The following MIB1 variants were observed in gnomAD, a reference collection of about 807,000 sequenced individuals.
MIB1 encodes the protein MIB E3 ubiquitin protein ligase 1, also known as E3 ubiquitin-protein ligase MIB1.
In MIB1, 278 loss-of-function variants were observed where a neutral mutation model predicts 124.5. That is an observed-to-expected ratio of 2.23 (90% confidence interval 2.02 to 2.47). The LOEUF is 2.47. MIB1 is among the 30% of genes most tolerant of loss of function. The pLI is 0.00. For missense variants in MIB1, 957 were observed against 1,254.4 expected (o/e 0.76, Z 3.58); for synonymous variants, 446 against 429.4 (o/e 1.04, Z -0.48).
At position 21,864,651 on chromosome 18, in the gene MIB1, G is replaced by A; in HGVS notation, c.3006G>A (p.Arg1002=). The A allele has an allele frequency of 1.2e-6, 2 of 1,613,360 alleles. No homozygotes were observed. The highest frequency in any genetic ancestry group is 1.3e-5 in the African/African-American group (1 of 75,020). The change falls in exon 21 of 21, where the codon AGG becomes AGA. Residue 1002 remains arginine, a synonymous_variant. Transcript: ENST00000261537. ...TCTGTCGCAAGGCTATTGAACGAAG[G>A]ATTCTTTTGTATTAACTAAGACACA... ...CPICRKAIER[R]ILLY
chr18:21,785,084 CCTCT>C (rs915219133), intron 6 of MIB1, among the ~76,000 whole-genome samples: 3 of 152,194 alleles, frequency 2.0e-5, no homozygotes, highest in Admixed American at 6.5e-5. Flanking sequence ...TGTAAGCTGT[CCTCT>C]CTCTCTTTCT....
chr18:21,858,872 A>G (rs1305117636), intron 20 of MIB1, among the ~76,000 whole-genome samples: 1 of 152,224 alleles, frequency 6.6e-6, no homozygotes, highest in African/African-American at 2.4e-5. Context: ...CAACCACATT[A>G]GTGATCAGGA....
chr18:21,773,812 G>C, intron 4 of MIB1, 84 bp downstream of exon 4: 1 of 780,158 alleles, frequency 1.3e-6, no homozygotes, highest in South Asian at 1.8e-5. Context: ...TTTTTCCTTT[G>C]TCATCTCCCT....
At position 21,849,206 on chromosome 18, in the gene MIB1, G is replaced by T. The variant is rs2042160959; in HGVS notation, c.2404G>T (p.Gly802Cys). The T allele has an allele frequency of 6.5e-7, 1 of 1,549,788 alleles. No individual in the cohort carries two copies. The highest frequency in any genetic ancestry group is 2.0e-5 in the Admixed American group (1 of 50,568). ...CHKEKVSGQV[G>C]SRSPSMISND... ...ACTTTCTTTTATTAGTGGTCAAGTG[G>T]GTTCTCGGAGTCCTTCTATGATTAG... Residue 802 changes from glycine to cysteine, a missense_variant, in exon 17 of 21, where the codon GGT becomes TGT. Coordinates refer to ENST00000261537, the MANE Select transcript of MIB1 (RefSeq NM_020774.4).
At chr18:21,787,766 T>C (rs2041453450) in intron 6 of MIB1, among the ~76,000 whole-genome samples, 1 of 152,016 alleles carries the variant, frequency 6.6e-6, no homozygotes, top group Non-Finnish European at 1.5e-5. Context: ...TATTTTTTTT[T>C]TTTTTTTCGA....
At chr18:21,818,151 C>T (rs1254609489) in intron 11 of MIB1, among the ~76,000 whole-genome samples, 2 of 152,198 alleles carry the variant, frequency 1.3e-5, no homozygotes, top group South Asian at 2.1e-4. Context: ...TAATGTTTCT[C>T]ACCTGTGACT....
At position 21,870,428 on chromosome 18, in the gene MIB1, T is replaced by C. The variant is rs908744483; in HGVS notation, c.*5762T>C. 2.6e-5 allele frequency: 4 copies of C among 152,192 alleles called. No individual in the cohort carries two copies. Among genetic ancestry groups the C allele is most frequent in the Admixed American group, 2.6e-4 (4 of 15,264 alleles). The allele number at this position is 152,192 out of a possible 1,614,324, so 9.4% of individuals were successfully genotyped here. A position where few individuals can be genotyped will look rare whatever the true frequency, so the allele number is the denominator to read the frequency against. On this transcript the variant is annotated 3_prime_UTR_variant, in exon 21 of 21. Coordinates refer to ENST00000261537, the MANE Select transcript of MIB1 (RefSeq NM_020774.4). ...AGGGCCAAAGAAGCATTTCATATTT[T>C]AACACCTCACATTCTTTCAGGATTA...
Position 21,744,097 on chromosome 18 carries a change from G to GTT in MIB1, c.229+2306_229+2307dup, listed in dbSNP as rs768951212. On this transcript the variant is annotated intron_variant, in intron 1 of 20. Transcript: ENST00000261537. The stretch of plus-strand genomic sequence containing the variant: ...ATTTCAACCTTTTAAATTCTTCAGG[G>GTT]TTTTTTTTTTTTTTTTTTTTTTAGA... Among the ~76,000 whole-genome samples, 384 of 121,186 alleles carry GTT rather than the reference G, an allele frequency of 3.2e-3. 1 individual carries two copies. Among genetic ancestry groups the GTT allele is most frequent in the African/African-American group, 0.011 (348 of 31,992 alleles). 79.5% of individuals were successfully genotyped at this position (121,186 alleles called of 152,430 possible). A position where few individuals can be genotyped will look rare whatever the true frequency, so the allele number is the denominator to read the frequency against.
intron 3 of MIB1, 97 bp from the exon 4 acceptor site, chr18:21,773,527 G>A (rs2041245533): frequency 1.3e-6 from 1 of 758,606 alleles, no homozygotes; most frequent in Non-Finnish European, 2.1e-6. Context: ...CAGGTTGCTA[G>A]ATGAAATGAT....
At chr18:21,716,466 A>G (rs2040690092) in intron 1 of MIB1, among the ~76,000 whole-genome samples, 1 of 152,218 alleles carries the variant, frequency 6.6e-6, no homozygotes. Flanking sequence ...TAAAAAACAC[A>G]AAAAGCAAAC....
chr18:21,781,617 G>A (rs960201922), intron 6 of MIB1, among the ~76,000 whole-genome samples: 1 of 150,592 alleles, frequency 6.6e-6, no homozygotes, highest in African/African-American at 2.4e-5. Flanking sequence ...GTTTCACCAT[G>A]TTGGCCAGGC....
intron 4 of MIB1, among the ~76,000 whole-genome samples, chr18:21,774,453 T>A (rs1428228511): frequency 6.6e-6 from 1 of 152,204 alleles, no homozygotes; most frequent in African/African-American, 2.4e-5. Flanking sequence ...CCGGGTTTGA[T>A]GGCATGTGCC....
intron 6 of MIB1, among the ~76,000 whole-genome samples, chr18:21,783,540 G>A (rs1051683459): frequency 2.6e-5 from 4 of 151,732 alleles, no homozygotes; most frequent in African/African-American, 9.7e-5. Context: ...GCTGTGCCCG[G>A]CCTCACTCTA....
intron 18 of MIB1, among the ~76,000 whole-genome samples, chr18:21,854,011 TTAAAAAAAAAAAA>T (rs1199369413): frequency 4.7e-5 from 2 of 42,350 alleles, no homozygotes; most frequent in African/African-American, 8.4e-5. Context: ...AGACTCAGTC[TTAAAAAAAAAAAA>T]AAAAAAAAAA....
intron 17 of MIB1, among the ~76,000 whole-genome samples, chr18:21,851,624 G>A (rs1052204797): frequency 2.6e-5 from 4 of 152,138 alleles, no homozygotes; most frequent in Non-Finnish European, 4.4e-5. Flanking sequence ...TTCTGTTAGA[G>A]AAATACAAAG....
chr18:21,789,787 A>G lies in MIB1; in HGVS notation c.909-1587A>G, dbSNP rs78185353. ...GTATCAAAAAAAGAAAAAATAAAGC[A>G]AACAAAGAACAGTTTACTTGTGTGG... On this transcript the variant is annotated intron_variant, in intron 6 of 20. Coordinates refer to ENST00000261537, the MANE Select transcript of MIB1 (RefSeq NM_020774.4). Among the ~76,000 whole-genome samples the G allele has an allele frequency of 7.7e-3, 1,177 of 152,290 alleles. 19 individuals are homozygous for G. The highest frequency in any genetic ancestry group is 0.027 in the African/African-American group (1,139 of 41,562).
intron 12 of MIB1, among the ~76,000 whole-genome samples, chr18:21,835,301 A>G (rs2042016442): frequency 6.6e-6 from 1 of 152,138 alleles, no homozygotes; most frequent in African/African-American, 2.4e-5. Flanking sequence ...GGTATAGAGA[A>G]TAGAGTGGAA....
intron 12 of MIB1, among the ~76,000 whole-genome samples, chr18:21,823,314 T>G (rs1198721971): frequency 6.6e-6 from 1 of 151,192 alleles, no homozygotes. Context: ...GGCGAGAATA[T>G]TGCTCGAGCC....
rs1555697486 is a variant in MIB1, at chr18:21,865,905, T to TAAAAACAAA, written c.*1240_*1248dup. ...GAAATGTCTGCTTACCTGTAGACTTTAAAAACAAACAAAATTTTTGGAGCA... is the reference window on the plus strand; with the variant it reads ...GAAATGTCTGCTTACCTGTAGACTTTAAAAACAAAAAAAACAAACAAAATTTTTGGAGCA... On this transcript the variant is annotated 3_prime_UTR_variant, in exon 21 of 21. Coordinates refer to ENST00000261537, the MANE Select transcript of MIB1 (RefSeq NM_020774.4). 6.6e-6 allele frequency: 1 copy of TAAAAACAAA among 151,802 alleles called. No homozygotes were observed. The highest frequency in any genetic ancestry group is 2.1e-4 in the South Asian group (1 of 4,808). The allele number at this position is 151,802 out of a possible 1,614,324, so 9.4% of individuals were successfully genotyped here.
Sources: allele counts gnomAD v4.1 joint callset (sites outside exome capture counted in the v4.1 genomes callset), GRCh38; gene constraint gnomAD v4.1.1; transcripts MANE v1.5; gene names NCBI Gene and HGNC (gene_info 2026-07-23, HGNC 2026-07-21).